FUT1: variants seen among roughly 807,000 people sequenced by gnomAD.
The protein encoded by FUT1 is galactoside alpha-(1,2)-fucosyltransferase 1.
For synonymous variants in FUT1, 215 were observed against 208.7 expected, an observed-to-expected ratio of 1.03 and a Z score of -0.26; for missense variants, 476 against 492.7, an observed-to-expected ratio of 0.97 and a Z score of 0.32.
rs890314551 is a variant in FUT1, at chr19:48,748,172, A to G, written c.*2012T>C. ...ATGTGATCAGAGCTGACTATGTTTA[A>G]GGTTTCTTCTTTCACCCTCCAAAAA... On this transcript the variant is annotated 3_prime_UTR_variant, in exon 2 of 2. Coordinates refer to ENST00000645652, the MANE Select transcript of FUT1 (RefSeq NM_001384359.1). 1.8e-4 allele frequency: 28 copies of G among 152,436 alleles called. No homozygotes were observed. Among genetic ancestry groups the G allele is most frequent in the African/African-American group, 6.7e-4 (28 of 41,536 alleles). 9.4% of individuals were successfully genotyped at this position (152,436 alleles called of 1,614,324 possible).
At position 48,750,991 on chromosome 19, in the gene FUT1, G is replaced by C; in HGVS notation, c.291C>G (p.Ala97=). 1 of 1,595,706 alleles carries C rather than the reference G, an allele frequency of 6.3e-7. No homozygotes were observed. Among genetic ancestry groups the C allele is most frequent in the Non-Finnish European group, 8.5e-7 (1 of 1,169,744 alleles). The change falls in exon 2 of 2, where the codon GCC becomes GCG. Residue 97 remains alanine, a synonymous_variant. Transcript: ENST00000645652. ...TGAGCTGGGCCAGAGCCAGCAGCGTGGCATACTGTCCCATCTGATTACCAA... is the reference window on the plus strand; with the variant it reads ...TGAGCTGGGCCAGAGCCAGCAGCGTCGCATACTGTCCCATCTGATTACCAA... ...GRFGNQMGQY[A]TLLALAQLNG...
intron 1 of FUT1, among the ~76,000 whole-genome samples, chr19:48,751,648 A>T (rs966198494): frequency 2.0e-5 from 3 of 151,886 alleles, no homozygotes; most frequent in East Asian, 4.0e-4. Context: ...TTACAAAAAA[A>T]TTTTAAAATT....
rs1481279420 is a variant in FUT1 at position 48,750,414 on chromosome 19, G to C, written c.868C>G (p.Pro290Ala). 6.2e-7 allele frequency: 1 copy of C among 1,614,230 alleles called. No homozygotes were observed. The change falls in exon 2 of 2, where the codon CCG (proline) becomes GCG (alanine). Residue 290 changes from proline (P) to alanine (A), a missense_variant. Physicochemically the swap from Pro to Ala is conservative, Grantham distance 27 (BLOSUM62 -1). Transcript: ENST00000645652. ...GTGAGCAGGGCAAAGTCTTTCCACG[G>C]TGTAGCCTCCTGTCCATCGCCAGCA... ...TFAGDGQEAT[P>A]WKDFALLTQC...
In FUT1 at chr19:48,750,413, G is replaced by T; in HGVS notation, c.869C>A (p.Pro290Gln). The change falls in exon 2 of 2, where the codon CCG becomes CAG. Residue 290 changes from proline (P) to glutamine (Q), a missense_variant. Coordinates refer to ENST00000645652, the MANE Select transcript of FUT1 (RefSeq NM_001384359.1). Reference sequence around the variant, plus strand: ...TGTGAGCAGGGCAAAGTCTTTCCACGGTGTAGCCTCCTGTCCATCGCCAGC... The same window carrying T: ...TGTGAGCAGGGCAAAGTCTTTCCACTGTGTAGCCTCCTGTCCATCGCCAGC... ...TFAGDGQEATPWKDFALLTQC... is the reference protein window; with the variant it reads ...TFAGDGQEATQWKDFALLTQC... The T allele has an allele frequency of 1.2e-6, 2 of 1,614,208 alleles. No homozygotes were observed. Among genetic ancestry groups the T allele is most frequent in the African/African-American group, 1.3e-5 (1 of 75,048 alleles).
chr19:48,749,966 C>T lies in FUT1; in HGVS notation c.*218G>A. ...GCACTGTGGCTTCTAGAACTGCCTG[C>T]CAGCCATCAGGAAAAGATGTTTTGC... On this transcript the variant is annotated 3_prime_UTR_variant, in exon 2 of 2. Transcript: ENST00000645652. 1 of 616,610 alleles carries T rather than the reference C, an allele frequency of 1.6e-6. No homozygotes were observed. The highest frequency in any genetic ancestry group is 2.9e-5 in the East Asian group (1 of 34,396). 38.2% of individuals were successfully genotyped at this position (616,610 alleles called of 1,614,324 possible).
intron 1 of FUT1, 50 bp from the exon 2 acceptor site, chr19:48,751,333 G>C (rs368825439): frequency 6.3e-7 from 1 of 1,595,348 alleles, no homozygotes. Context: ...CTGAGGAGGG[G>C]AGGCTGAGGA....
upstream of FUT1, among the ~76,000 whole-genome samples, chr19:48,754,651 T>C (rs1221857976): frequency 6.6e-6 from 1 of 152,210 alleles, no homozygotes; most frequent in Non-Finnish European, 1.5e-5. Flanking sequence ...ACACTAATGA[T>C]TGATACTGTC....
rs2033933023 is a variant in FUT1 at position 48,748,052 on chromosome 19, C to T, written c.*2132G>A. 6.6e-6 allele frequency: 1 copy of T among 152,224 alleles called. No individual in the cohort carries two copies. Among genetic ancestry groups the T allele is most frequent in the African/African-American group, 2.4e-5 (1 of 41,392 alleles). The allele number at this position is 152,224 out of a possible 1,614,324, so 9.4% of individuals were successfully genotyped here. A position where few individuals can be genotyped will look rare whatever the true frequency, so the allele number is the denominator to read the frequency against. ...TTAATTCATACCTCCTGCTCTCTCACCCGTGGCAGCTGAGTTGGGAACAGT... is the reference window on the plus strand; with the variant it reads ...TTAATTCATACCTCCTGCTCTCTCATCCGTGGCAGCTGAGTTGGGAACAGT... On this transcript the variant is annotated 3_prime_UTR_variant, in exon 2 of 2. Coordinates refer to ENST00000645652, the MANE Select transcript of FUT1 (RefSeq NM_001384359.1).
upstream of FUT1, chr19:48,753,029 G>A (rs1305881566): frequency 2.1e-6 from 1 of 474,944 alleles, no homozygotes; most frequent in South Asian, 8.9e-5. Context: ...CGACACCTGG[G>A]TGCTTCGAGC....
chr19:48,754,863 C>T (rs924360883), upstream of FUT1, among the ~76,000 whole-genome samples: 5 of 152,074 alleles, frequency 3.3e-5, no homozygotes, highest in Admixed American at 3.3e-4. Flanking sequence ...TAACCATCAT[C>T]TCCCCAGGCT....
In FUT1 at chr19:48,750,863, G is replaced by C. The variant is rs770949163; in HGVS notation, c.419C>G (p.Pro140Arg). ...VLAPEVDSRTPWRELQLHDWM... is the reference protein window; with the variant it reads ...VLAPEVDSRTRWRELQLHDWM... ...GTCGTGAAGCTGCAGCTCCCGCCAC[G>C]GCGTGCGGCTGTCCACTTCTGGGGC... is the stretch of plus-strand genomic sequence containing the variant. The change falls in exon 2 of 2, where the codon CCG becomes CGG. Residue 140 changes from proline (P) to arginine (R), a missense_variant. Coordinates refer to ENST00000645652, the MANE Select transcript of FUT1 (RefSeq NM_001384359.1). 6 of 1,613,858 alleles carry C rather than the reference G, an allele frequency of 3.7e-6. No homozygotes were observed. Among genetic ancestry groups the C allele is most frequent in the Non-Finnish European group, 5.1e-6 (6 of 1,179,990 alleles).
At chr19:48,751,922 G>A (rs2034009464) in intron 1 of FUT1, among the ~76,000 whole-genome samples, 1 of 151,564 alleles carries the variant, frequency 6.6e-6, no homozygotes, top group Admixed American at 6.6e-5. Context: ...TTACACTCCA[G>A]CCTGGGCAAC....
In FUT1 at chr19:48,750,412, C is replaced by A. The variant is rs2033976964; in HGVS notation, c.870G>T (p.Pro290=). 1.9e-6 allele frequency: 3 copies of A among 1,614,116 alleles called. No individual in the cohort carries two copies. The highest frequency in any genetic ancestry group is 1.6e-4 in the Middle Eastern group (1 of 6,084). The change falls in exon 2 of 2, where the codon CCG becomes CCT. Residue 290 remains proline, a synonymous_variant. Coordinates refer to ENST00000645652, the MANE Select transcript of FUT1 (RefSeq NM_001384359.1). ...TFAGDGQEAT[P]WKDFALLTQC... ...GTGTGAGCAGGGCAAAGTCTTTCCACGGTGTAGCCTCCTGTCCATCGCCAG... is the reference window on the plus strand; with the variant it reads ...GTGTGAGCAGGGCAAAGTCTTTCCAAGGTGTAGCCTCCTGTCCATCGCCAG...
rs148193888 is a variant in FUT1 at position 48,750,241 on chromosome 19, G to T, written c.1041C>A (p.Pro347=). The change falls in exon 2 of 2, where the codon CCC becomes CCA. Residue 347 remains proline, a synonymous_variant. Transcript: ENST00000645652. ...AGTCTGCATTAATGCCCACCCACTC[G>T]GGCAGGAAGGCCGCCTCCGGCTTAA... ...KIFKPEAAFL[P]EWVGINADLS... 5.6e-6 allele frequency: 9 copies of T among 1,613,280 alleles called. No homozygotes were observed. In the East Asian group the frequency reaches 2.0e-4, roughly 36 times the overall value.
intron 1 of FUT1, among the ~76,000 whole-genome samples, chr19:48,751,724 G>T (rs1049020390): frequency 1.3e-5 from 2 of 152,174 alleles, no homozygotes; most frequent in Non-Finnish European, 2.9e-5. Context: ...GGCCAAGGTG[G>T]GTGGATCACC....
In FUT1 at chr19:48,748,946, G is replaced by T. The variant is rs1568489736; in HGVS notation, c.*1238C>A. 1 of 152,490 alleles carries T rather than the reference G, an allele frequency of 6.6e-6. No individual in the cohort carries two copies. The highest frequency in any genetic ancestry group is 2.4e-5 in the African/African-American group (1 of 41,408). The allele number at this position is 152,490 out of a possible 1,614,324, so 9.4% of individuals were successfully genotyped here. A position where few individuals can be genotyped will look rare whatever the true frequency, so the allele number is the denominator to read the frequency against. On this transcript the variant is annotated 3_prime_UTR_variant, in exon 2 of 2. Coordinates refer to ENST00000645652, the MANE Select transcript of FUT1 (RefSeq NM_001384359.1). ...GTGGGAGGACTGCTTGAGCCCAGGA[G>T]TTGAAGAACAGCCTGGGCAATATCA...
chr19:48,751,352 G>T, intron 1 of FUT1, 69 bp from the exon 2 acceptor site: 1 of 1,535,182 alleles, frequency 6.5e-7, no homozygotes, highest in South Asian at 1.2e-5. Flanking sequence ...GAGGGATGTG[G>T]GGTAAGGGAG....
intron 1 of FUT1, 149 bp from the exon 2 acceptor site, chr19:48,751,432 G>T: frequency 1.2e-6 from 1 of 843,828 alleles, no homozygotes; most frequent in Non-Finnish European, 1.9e-6. Flanking sequence ...CTGGGGCTGA[G>T]GTAGGGAGAG....
At position 48,751,180 on chromosome 19, in the gene FUT1, A is replaced by G; in HGVS notation, c.102T>C (p.His34=). The G allele has an allele frequency of 6.2e-7, 1 of 1,614,176 alleles. No individual in the cohort carries two copies. The highest frequency in any genetic ancestry group is 8.5e-7 in the Non-Finnish European group (1 of 1,180,036). ...GACACAGGATCGACAGGCCTAGGCC[A>G]TGTGGAAAGCTGTCTTGATGGATAT... ...FLHIHQDSFP[H]GLGLSILCPD... The change falls in exon 2 of 2, where the codon CAT becomes CAC. Residue 34 remains histidine, a synonymous_variant. Coordinates refer to ENST00000645652, the MANE Select transcript of FUT1 (RefSeq NM_001384359.1).
Sources: allele counts gnomAD v4.1 joint callset (sites outside exome capture counted in the v4.1 genomes callset), GRCh38; gene constraint gnomAD v4.1.1; transcripts MANE v1.5; gene names NCBI Gene and HGNC (gene_info 2026-07-23, HGNC 2026-07-21).